The following NXPE2 variants were observed in gnomAD, a reference collection of about 807,000 sequenced individuals.
NXPE2 encodes the protein NXPE family member 2.
NXPE2 carries 34 observed loss-of-function variants against 34.4 expected under a neutral mutation model. The ratio of observed to expected loss-of-function variants is 0.99; its 90% CI spans 0.75 to 1.31. The LOEUF (loss-of-function observed/expected upper bound fraction) is 1.31. Ranked by LOEUF, NXPE2 falls within the 40% of genes most tolerant of loss-of-function variation. The pLI is 0.00. For missense variants in NXPE2, 649 were observed against 672.5 expected (o/e 0.97, Z 0.39); for synonymous variants, 235 against 231.3 (o/e 1.02, Z -0.15).
the NXPE2 span, among the ~76,000 whole-genome samples, chr11:114,601,356 T>C: frequency 6.8e-6 from 1 of 146,992 alleles, no homozygotes; most frequent in African/African-American, 2.5e-5. Flanking sequence ...TGGTTTTCAT[T>C]CCTGAGTTAT....
intron 2 of NXPE2, among the ~76,000 whole-genome samples, chr11:114,684,737 A>G (rs1250660925): frequency 3.9e-5 from 6 of 152,154 alleles, no homozygotes; most frequent in Non-Finnish European, 8.8e-5. Context: ...AATATGGGAG[A>G]TACTTGAATG....
the NXPE2 span, chr11:114,551,276 T>C: frequency 7.6e-7 from 1 of 1,319,848 alleles, no homozygotes; most frequent in South Asian, 1.4e-5. Context: ...CTCATTATTT[T>C]ATTTATAACT....
intron 3 of NXPE2, among the ~76,000 whole-genome samples, chr11:114,703,575 G>T (rs1951407576): frequency 6.6e-6 from 1 of 152,126 alleles, no homozygotes; most frequent in South Asian, 2.1e-4. Context: ...GTTGATGAGG[G>T]CCTGAATTAC....
At chr11:114,642,551 G>T in the NXPE2 span, among the ~76,000 whole-genome samples, 1,345 of 152,086 alleles carry the variant, frequency 8.8e-3, 20 homozygotes, top group African/African-American at 0.031. Context: ...TGCTGAGAAT[G>T]ATGGTTTCCA....
chr11:114,628,385 T>A, the NXPE2 span, among the ~76,000 whole-genome samples: 4 of 152,082 alleles, frequency 2.6e-5, no homozygotes, highest in Non-Finnish European at 4.4e-5. Flanking sequence ...ACCACTGAAC[T>A]ACATGGAAAC....
the NXPE2 span, among the ~76,000 whole-genome samples, chr11:114,726,392 A>C: frequency 6.6e-6 from 1 of 151,950 alleles, no homozygotes; most frequent in African/African-American, 2.4e-5. Context: ...TGAACTTATA[A>C]ATTTATGTCT....
At chr11:114,477,613 C>G in the NXPE2 span, among the ~76,000 whole-genome samples, 2 of 151,970 alleles carry the variant, frequency 1.3e-5, no homozygotes, top group Admixed American at 6.6e-5. Flanking sequence ...GAATAGTATA[C>G]TAAAGATATT....
chr11:114,540,235 T>C, the NXPE2 span, among the ~76,000 whole-genome samples: 2 of 152,150 alleles, frequency 1.3e-5, no homozygotes, highest in Non-Finnish European at 2.9e-5. Flanking sequence ...GGGATTACGG[T>C]GTGAGCCACC....
the NXPE2 span, among the ~76,000 whole-genome samples, chr11:114,597,894 C>A: frequency 6.6e-6 from 1 of 152,118 alleles, no homozygotes; most frequent in African/African-American, 2.4e-5. Context: ...ATTGTTCTCA[C>A]ATTTCAAAAT....
the NXPE2 span, among the ~76,000 whole-genome samples, chr11:114,763,639 A>C: frequency 6.6e-6 from 1 of 152,214 alleles, no homozygotes; most frequent in Non-Finnish European, 1.5e-5. Flanking sequence ...TTCTAGAGTG[A>C]ACCTAGCCCA....
chr11:114,618,519 G>A, the NXPE2 span, among the ~76,000 whole-genome samples: 1 of 151,718 alleles, frequency 6.6e-6, no homozygotes, highest in Admixed American at 6.6e-5. Flanking sequence ...GTTTCCCAGT[G>A]GATAATAAGT....
At chr11:114,541,051 T>A in the NXPE2 span, among the ~76,000 whole-genome samples, 26 of 151,892 alleles carry the variant, frequency 1.7e-4, no homozygotes, top group African/African-American at 5.8e-4. Flanking sequence ...CCCAAAGCAA[T>A]CTGCAGCTAG....
At chr11:114,803,001 CA>C in the NXPE2 span, among the ~76,000 whole-genome samples, 1 of 152,172 alleles carries the variant, frequency 6.6e-6, no homozygotes, top group Non-Finnish European at 1.5e-5. Context: ...GCAGGGCCCG[CA>C]GGTCCCCAGG....
chr11:114,767,456 A>T, the NXPE2 span, among the ~76,000 whole-genome samples: 1 of 152,198 alleles, frequency 6.6e-6, no homozygotes, highest in African/African-American at 2.4e-5. Context: ...TCTGATCCAC[A>T]TGCCCTTTCC....
At chr11:114,806,562 T>G in the NXPE2 span, among the ~76,000 whole-genome samples, 1,007 of 152,296 alleles carry the variant, frequency 6.6e-3, 8 homozygotes, top group African/African-American at 0.023. Flanking sequence ...GAAGCCTCAG[T>G]AGCCGATGCG....
At chr11:114,725,976 A>AAAAAAAAATATATATAT in the NXPE2 span, among the ~76,000 whole-genome samples, 3 of 101,768 alleles carry the variant, frequency 2.9e-5, no homozygotes, top group African/African-American at 1.0e-4. Context: ...ATAAAAAAAA[A>AAAAAAAAATATATATAT]ATATATATAT....
intron 2 of NXPE2, among the ~76,000 whole-genome samples, chr11:114,681,271 T>G (rs77340397): frequency 6.6e-6 from 1 of 152,220 alleles, no homozygotes; most frequent in Non-Finnish European, 1.5e-5. Flanking sequence ...TAAATGTATA[T>G]TGTGTGTCAG....
At chr11:114,672,437 G>A in the NXPE2 span, among the ~76,000 whole-genome samples, 17 of 151,776 alleles carry the variant, frequency 1.1e-4, no homozygotes, top group Non-Finnish European at 2.4e-4. Context: ...GATGCAAAGG[G>A]CGTATTAAAA....
At chr11:114,610,782 C>A in the NXPE2 span, among the ~76,000 whole-genome samples, 7 of 151,870 alleles carry the variant, frequency 4.6e-5, no homozygotes, top group African/African-American at 1.5e-4. Flanking sequence ...CACTGTTACC[C>A]AGTGGATAAT....
Sources: gnomAD v4.1 joint callset for allele counts (sites outside exome capture counted in the v4.1 genomes callset) on GRCh38, gnomAD v4.1.1 for gene constraint, MANE v1.5 for transcripts, NCBI Gene and HGNC (gene_info 2026-07-23, HGNC 2026-07-21) for gene names.